COMMD10: variants seen among roughly 807,000 people sequenced by gnomAD.
COMMD10 encodes COMM domain-containing protein 10.
In COMMD10, 33 loss-of-function variants were observed where a neutral mutation model predicts 28.9. That is an observed-to-expected ratio of 1.14 (90% CI 0.87 to 1.53). The LOEUF (loss-of-function observed/expected upper bound fraction) is 1.53, where lower values mean the gene tolerates loss of function less well. Ranked by LOEUF, COMMD10 falls within the 40% of genes most tolerant of loss-of-function variation. The pLI is 0.00. For synonymous variants in COMMD10, 110 were observed against 81.7 expected (o/e 1.35, Z -1.87); for missense variants, 310 against 233.4 (o/e 1.33, Z -2.14).
intron 5 of COMMD10, among the ~76,000 whole-genome samples, chr5:116,168,326 G>T (rs917509715): frequency 2.6e-5 from 4 of 152,092 alleles, no homozygotes; most frequent in African/African-American, 9.7e-5. Flanking sequence ...GGAGCACCCA[G>T]ATTCATAAAG....
chr5:116,127,573 A>G (rs1252609312), intron 4 of COMMD10, among the ~76,000 whole-genome samples: 1 of 152,226 alleles, frequency 6.6e-6, no homozygotes, highest in Admixed American at 6.5e-5. Context: ...TGGCACATAT[A>G]CACCATGGAA....
At chr5:116,284,905 A>G (rs927662977) in intron 5 of COMMD10, among the ~76,000 whole-genome samples, 1 of 151,950 alleles carries the variant, frequency 6.6e-6, no homozygotes, top group Admixed American at 6.6e-5. Context: ...TGCATTTCAT[A>G]TATCTTTGTT....
In COMMD10 at chr5:116,254,278, T is replaced by G. The variant is rs1237009333; in HGVS notation, c.511-37239T>G. ...TGGATTCATTAATTTTTTGAAGGTT[T>G]TTTTGTGTCTGTATTTCCTTCAGTT... On this transcript the variant is annotated intron_variant, in intron 5 of 6. Transcript: ENST00000274458. Among the ~76,000 whole-genome samples the G allele has an allele frequency of 2.6e-5, 4 of 152,074 alleles. No homozygotes were observed. The East Asian group carries it at 7.7e-4, about 29-fold the overall frequency.
chr5:116,270,804 G>T (rs373047240), intron 5 of COMMD10, among the ~76,000 whole-genome samples: 8 of 151,528 alleles, frequency 5.3e-5, no homozygotes, highest in African/African-American at 1.2e-4. Flanking sequence ...GGGCTTGATG[G>T]TGCATACCTG....
chr5:116,210,813 G>T (rs753468266), intron 5 of COMMD10, among the ~76,000 whole-genome samples: 10 of 151,880 alleles, frequency 6.6e-5, no homozygotes, highest in Non-Finnish European at 1.3e-4. Context: ...ACAATCATTC[G>T]TCATAGGTAA....
chr5:116,200,788 TC>T (rs1351801563), intron 5 of COMMD10, among the ~76,000 whole-genome samples: 3 of 152,114 alleles, frequency 2.0e-5, no homozygotes, highest in African/African-American at 7.2e-5. Flanking sequence ...TTCTTGTACT[TC>T]CCATCTGTTA....
chr5:116,222,125 G>A (rs1411208017), intron 5 of COMMD10, among the ~76,000 whole-genome samples: 1 of 152,096 alleles, frequency 6.6e-6, no homozygotes, highest in Admixed American at 6.5e-5. Flanking sequence ...TAAGAAGTTA[G>A]GGAAGGACAC....
chr5:116,088,495 C>G (rs750607523), intron 2 of COMMD10, among the ~76,000 whole-genome samples: 2 of 152,156 alleles, frequency 1.3e-5, no homozygotes, highest in Non-Finnish European at 2.9e-5. Context: ...GTGTTCAAAG[C>G]CATCAGTGAC....
chr5:116,091,268 G>GT (rs552517861), intron 3 of COMMD10, 79 bp downstream of exon 3: 152 of 622,432 alleles, frequency 2.4e-4, no homozygotes, highest in African/African-American at 5.8e-4. Context: ...ATGACATTCT[G>GT]TTTTTTTTAA....
Position 116,129,982 on chromosome 5 carries a change from A to T in COMMD10, c.400-4086A>T, listed in dbSNP as rs546783049. 1.7e-4 allele frequency among the ~76,000 whole-genome samples: 25 copies of T among 151,292 alleles called. No homozygotes were observed. In the South Asian group the frequency reaches 5.2e-3, roughly 31 times the overall value. On this transcript the variant is annotated intron_variant, in intron 4 of 6. Coordinates refer to ENST00000274458, the MANE Select transcript of COMMD10 (RefSeq NM_016144.4). ...TGTGTGTGGGTGTTTGCATGCACAAACACATATGAGGTCAGCAATTTTATT... is the reference window on the plus strand; with the variant it reads ...TGTGTGTGGGTGTTTGCATGCACAATCACATATGAGGTCAGCAATTTTATT...
rs543253793 is a variant in COMMD10, at chr5:116,284,270, T to C, written c.511-7247T>C. Among the ~76,000 whole-genome samples, 23 of 152,078 alleles carry C rather than the reference T, an allele frequency of 1.5e-4. 1 individual carries two copies. In the South Asian group the frequency reaches 4.8e-3, roughly 32 times the overall value. ...AATGGAGATGTAATGTCATTAACTT[T>C]TATGCTAAAGACAGCTATTTTTAAA... On this transcript the variant is annotated intron_variant, in intron 5 of 6. Transcript: ENST00000274458.
chr5:116,153,267 A>G (rs1161141172), intron 5 of COMMD10, among the ~76,000 whole-genome samples: 1 of 149,386 alleles, frequency 6.7e-6, no homozygotes, highest in Non-Finnish European at 1.5e-5. Context: ...AGCCTTTCCC[A>G]TGAGGACATT....
At chr5:116,111,115 A>G (rs1358676257) in intron 4 of COMMD10, among the ~76,000 whole-genome samples, 1 of 152,086 alleles carries the variant, frequency 6.6e-6, no homozygotes, top group African/African-American at 2.4e-5. Flanking sequence ...TTCTCATATC[A>G]TTTGTAACGT....
Position 116,276,915 on chromosome 5 carries a change from G to A in COMMD10, c.511-14602G>A, listed in dbSNP as rs1372633580. On this transcript the variant is annotated intron_variant, in intron 5 of 6. Transcript: ENST00000274458. ...GTGGATAATAACTAAAGGACATAGG[G>A]TATCTTTTTGGGATGATGAAAATGT... Among the ~76,000 whole-genome samples, 4 of 151,722 alleles carry A rather than the reference G, an allele frequency of 2.6e-5. 1 individual carries two copies. Among genetic ancestry groups the A allele is most frequent in the African/African-American group, 9.7e-5 (4 of 41,116 alleles).
At chr5:116,133,699 A>C (rs1751932971) in intron 4 of COMMD10, among the ~76,000 whole-genome samples, 1 of 152,244 alleles carries the variant, frequency 6.6e-6, no homozygotes, top group South Asian at 2.1e-4. Flanking sequence ...ACTAGTTGAA[A>C]TTTGTAACTA....
intron 5 of COMMD10, among the ~76,000 whole-genome samples, chr5:116,157,427 G>A (rs113356417): frequency 7.2e-5 from 11 of 152,224 alleles, no homozygotes; most frequent in African/African-American, 2.4e-4. Context: ...CAGTTTGCCG[G>A]GTCTAGTTTG....
chr5:116,110,853 A>T (rs1480027067), intron 4 of COMMD10, among the ~76,000 whole-genome samples: 1 of 152,146 alleles, frequency 6.6e-6, no homozygotes, highest in African/African-American at 2.4e-5. Flanking sequence ...AAGAGAATTC[A>T]CTATTGTGAG....
intron 5 of COMMD10, among the ~76,000 whole-genome samples, chr5:116,153,521 A>G (rs1485224021): frequency 6.6e-6 from 1 of 152,154 alleles, no homozygotes; most frequent in Non-Finnish European, 1.5e-5. Flanking sequence ...GAAATGATCA[A>G]GACAATAATG....
chr5:116,097,850 C>T (rs186654340), intron 4 of COMMD10, among the ~76,000 whole-genome samples: 1 of 152,088 alleles, frequency 6.6e-6, no homozygotes, highest in African/African-American at 2.4e-5. Flanking sequence ...TTTGAACAAG[C>T]AGGTCTTGCG....
Sources: gnomAD v4.1 joint callset for allele counts (sites outside exome capture counted in the v4.1 genomes callset) on GRCh38, gnomAD v4.1.1 for gene constraint, MANE v1.5 for transcripts, NCBI Gene and HGNC (gene_info 2026-07-23, HGNC 2026-07-21) for gene names.